STXBP2: variants seen among roughly 807,000 people sequenced by gnomAD.
STXBP2 encodes syntaxin-binding protein 2.
Under a neutral mutation model 72.2 loss-of-function variants are expected in STXBP2, and 47 were observed. The ratio of observed to expected loss-of-function variants is 0.65; its 90% CI spans 0.51 to 0.83. The LOEUF (loss-of-function observed/expected upper bound fraction) is 0.83, where lower values mean the gene tolerates loss of function less well. Among genes scored for constraint, STXBP2 ranks in the 40% least tolerant of loss-of-function variants. The pLI, the probability that STXBP2 is intolerant of heterozygous loss-of-function variation, is 0.00. For missense variants in STXBP2, 702 were observed against 807.6 expected (o/e 0.87, Z 1.58); for synonymous variants, 367 against 338.7 (o/e 1.08, Z -0.92).
chr19:7,644,525 C>T (rs1484345158), intron 13 of STXBP2, 89 bp from the exon 14 acceptor site: 14 of 1,570,190 alleles, frequency 8.9e-6, no homozygotes, highest in Middle Eastern at 1.9e-4. Flanking sequence ...GTCCTCTTGC[C>T]GAGGATCCTG....
upstream of STXBP2, chr19:7,632,999 TG>T: frequency 7.0e-7 from 1 of 1,436,210 alleles, no homozygotes; most frequent in Non-Finnish European, 9.1e-7. The surrounding 1 kb of genome is among the most constrained non-coding windows in gnomAD (Gnocchi z 5.2). Context: ...GAATGAGACA[TG>T]AGTCTCCTTC....
At chr19:7,633,756 G>A (rs2031432647), upstream of STXBP2, 3 of 452,032 alleles carry the variant, frequency 6.6e-6, no homozygotes, top group South Asian at 6.6e-5. Flanking sequence ...GTCACAAAAG[G>A]CCTGAGCAGC....
Position 7,644,619 on chromosome 19 carries a change from G to C in STXBP2, c.1113G>C (p.Leu371=). ...GGCTGACCCCATGCCCGCAGGACCT[G>C]GCCATGGGCTCCGACGCAGAGGGGG... The part of the protein sequence containing the change: ...VEKLCSVEQD[L]AMGSDAEGEK... Residue 371 remains leucine (L), a synonymous_variant, in exon 14 of 19, where the codon CTG becomes CTC. Coordinates refer to ENST00000221283, the MANE Select transcript of STXBP2 (RefSeq NM_006949.4). The C allele has an allele frequency of 6.2e-7, 1 of 1,612,506 alleles. No homozygotes were observed. Among genetic ancestry groups the C allele is most frequent in the Non-Finnish European group, 8.5e-7 (1 of 1,179,786 alleles).
chr19:7,647,639 A>G, intron 18 of STXBP2, 86 bp from the exon 19 acceptor site: 1 of 1,598,224 alleles, frequency 6.3e-7, no homozygotes, highest in Non-Finnish European at 8.6e-7. Flanking sequence ...GGACAGGGAC[A>G]GCCCCACACC....
chr19:7,640,560 G>A (rs2031822871), intron 4 of STXBP2, 171 bp from the exon 5 acceptor site: 2 of 761,684 alleles, frequency 2.6e-6, no homozygotes, highest in South Asian at 2.9e-5. Context: ...GCATCTGTGT[G>A]TGTGCGCGTG....
At position 7,642,370 on chromosome 19, in the gene STXBP2, T is replaced by C. The variant is rs1226031115; in HGVS notation, c.794+37T>C. On this transcript the variant is annotated intron_variant, in intron 9 of 18. Coordinates refer to ENST00000221283, the MANE Select transcript of STXBP2 (RefSeq NM_006949.4). The surrounding 1 kb of genome is among the most constrained non-coding windows in gnomAD (Gnocchi z 6.0). ...TGGAACCCGTCCCCACCCTTGCCAC[T>C]GACCTGGTTCCCCAGTCCTCAGCTC... The C allele has an allele frequency of 6.2e-7, 1 of 1,613,024 alleles. No individual in the cohort carries two copies. The highest frequency in any genetic ancestry group is 8.5e-7 in the Non-Finnish European group (1 of 1,179,136).
chr19:7,634,277 C>G (rs1016570398), upstream of STXBP2, among the ~76,000 whole-genome samples: 1 of 152,086 alleles, frequency 6.6e-6, no homozygotes, highest in African/African-American at 2.4e-5. Flanking sequence ...CAGGGGATAC[C>G]ACTGGGAGGT....
chr19:7,647,293 G>A, intron 17 of STXBP2, 46 bp downstream of exon 17: 3 of 1,611,500 alleles, frequency 1.9e-6, no homozygotes, highest in Non-Finnish European at 2.5e-6. Context: ...TCTGTGTTAG[G>A]TGGGCGGCCT....
At position 7,644,386 on chromosome 19, in the gene STXBP2, C is replaced by T. The variant is rs1599402929; in HGVS notation, c.1108-228C>T. 8.5e-6 allele frequency: 5 copies of T among 587,056 alleles called. No homozygotes were observed. In the East Asian group the frequency reaches 1.5e-4, roughly 17 times the overall value. 36.4% of individuals were successfully genotyped at this position (587,056 alleles called of 1,614,324 possible). A position where few individuals can be genotyped will look rare whatever the true frequency, so the allele number is the denominator to read the frequency against. On this transcript the variant is annotated intron_variant, in intron 13 of 18. Coordinates refer to ENST00000221283, the MANE Select transcript of STXBP2 (RefSeq NM_006949.4). ...AGGTAGTCTCAGGATAGTGGTGTGA[C>T]CTGTGTGTAGGTGGGTGGGGCACTG...
At chr19:7,640,240 G>A (rs779399252) in intron 4 of STXBP2, 1 of 547,138 alleles carries the variant, frequency 1.8e-6, no homozygotes, top group African/African-American at 1.9e-5. Context: ...GCGTCTGTGT[G>A]TATCTGTGTG....
intron 1 of STXBP2, 96 bp from the exon 2 acceptor site, chr19:7,638,630 A>G: frequency 7.4e-7 from 1 of 1,349,116 alleles, no homozygotes; most frequent in Non-Finnish European, 1.0e-6. Context: ...GTAAATGGGA[A>G]TTAAGATGGG....
At chr19:7,646,007 G>C in intron 15 of STXBP2, 1 of 578,540 alleles carries the variant, frequency 1.7e-6, no homozygotes, top group East Asian at 2.8e-5. Flanking sequence ...GCCTATCTCT[G>C]CCTCTGTCTT....
Position 7,645,326 on chromosome 19 carries a change from G to C in STXBP2, c.1356+20G>C, listed in dbSNP as rs1377390475. On this transcript the variant is annotated intron_variant, in intron 15 of 18. Coordinates refer to ENST00000221283, the MANE Select transcript of STXBP2 (RefSeq NM_006949.4). ...CCCGGGGTACGCCAGGAGCGGGCAT[G>C]GGGGGACCCTGGGAGAGGGTGCGGA... is the stretch of plus-strand genomic sequence containing the variant. 1.3e-6 allele frequency: 2 copies of C among 1,559,844 alleles called. No homozygotes were observed. Among genetic ancestry groups the C allele is most frequent in the African/African-American group, 2.7e-5 (2 of 73,520 alleles).
At chr19:7,646,431 G>A (rs1446322280) in intron 16 of STXBP2, 87 bp downstream of exon 16, 6 of 1,239,870 alleles carry the variant, frequency 4.8e-6, no homozygotes, top group Middle Eastern at 1.9e-4. Context: ...TAAGCCTCAG[G>A]GCTTAGGGGA....
rs775248878 is a variant in STXBP2, at chr19:7,643,056, C to T, written c.1026+8C>T. 7 of 1,614,160 alleles carry T rather than the reference C, an allele frequency of 4.3e-6. No individual in the cohort carries two copies. Among genetic ancestry groups the T allele is most frequent in the South Asian group, 3.3e-5 (3 of 91,086 alleles). ...CAGAAGGAGCTGAATAAGGTGTGCT[C>T]GGGTGGGCAGGGAGCGGGGACACCT... On this transcript the variant is annotated splice_region_variant and intron_variant, in intron 12 of 18. Transcript: ENST00000221283.
Position 7,640,019 on chromosome 19 carries a change from C to T in STXBP2, c.246+212C>T, listed in dbSNP as rs1360221718. 5 of 660,772 alleles carry T rather than the reference C, an allele frequency of 7.6e-6. No homozygotes were observed. The Admixed American group carries it at 8.5e-5, about 11-fold the overall frequency. The allele number at this position is 660,772 out of a possible 1,614,324, so 40.9% of individuals were successfully genotyped here. A position where few individuals can be genotyped will look rare whatever the true frequency, so the allele number is the denominator to read the frequency against. ...GTGTGTCTATGTATGTGTCTGTGTG[C>T]ATGTGCATGTGTGTGCGTCTGTGTG... On this transcript the variant is annotated intron_variant, in intron 4 of 18. Transcript: ENST00000221283.
upstream of STXBP2, among the ~76,000 whole-genome samples, chr19:7,635,237 C>T (rs531601968): frequency 2.0e-5 from 3 of 152,290 alleles, no homozygotes; most frequent in Admixed American, 1.3e-4. Flanking sequence ...CTGCTCAAAA[C>T]TCTTGAGAAG....
chr19:7,640,590 CTA>C (rs1314818819), intron 4 of STXBP2, 139 bp from the exon 5 acceptor site: 14 of 1,076,078 alleles, frequency 1.3e-5, no homozygotes, highest in Middle Eastern at 2.0e-4. Context: ...GGGTGCGACA[CTA>C]GTGTGCATTT....
Position 7,639,009 on chromosome 19 carries a change from A to G in STXBP2, c.88-10A>G, listed in dbSNP as rs2031682125. The G allele has an allele frequency of 6.2e-7, 1 of 1,613,644 alleles. No individual in the cohort carries two copies. On this transcript the variant is annotated splice_polypyrimidine_tract_variant and intron_variant, in intron 2 of 18. Transcript: ENST00000221283. ...TGCTCCTCCATCCATCTGTCCATCC[A>G]TCTGGACAGGTGCTTATCATGGATC...
Sources: gnomAD v4.1 joint callset for allele counts (sites outside exome capture counted in the v4.1 genomes callset) on GRCh38, gnomAD v4.1.1 for gene constraint, Gnocchi (gnomAD v3.1) non-coding constraint, MANE v1.5 for transcripts, NCBI Gene and HGNC (gene_info 2026-07-23, HGNC 2026-07-21) for gene names.